Variants in LARP4B observed in about 807,000 individuals in gnomAD.
LARP4B encodes La ribonucleoprotein 4B, also known as la-related protein 4B.
LARP4B carries 12 observed loss-of-function variants against 89.8 expected under a neutral mutation model. That is an observed-to-expected ratio of 0.13 (90% confidence interval 0.09 to 0.22). The LOEUF is 0.22. LARP4B is among the 10% of genes least tolerant of loss of function. LARP4B has a pLI of 1.00. For synonymous variants in LARP4B, 367 were observed against 363.3 expected (o/e 1.01, Z -0.12); for missense variants, 757 against 947.7 (o/e 0.80, Z 2.64).
At chr10:860,528 T>C (rs1834545403) in intron 5 of LARP4B, among the ~76,000 whole-genome samples, 1 of 152,242 alleles carries the variant, frequency 6.6e-6, no homozygotes, top group Non-Finnish European at 1.5e-5. Context: ...TGACAAATGT[T>C]CACTTTTATG....
intron 5 of LARP4B, among the ~76,000 whole-genome samples, chr10:847,267 G>C (rs547017314): frequency 1.3e-5 from 2 of 152,078 alleles, no homozygotes; most frequent in Non-Finnish European, 2.9e-5. Flanking sequence ...AGAAACACCC[G>C]GCACTGCAGA....
intron 1 of LARP4B, among the ~76,000 whole-genome samples, chr10:926,989 G>A (rs375627355): frequency 5.9e-5 from 9 of 151,500 alleles, no homozygotes; most frequent in Non-Finnish European, 1.2e-4. Flanking sequence ...GCAGTGAGCC[G>A]TGATCGTGCC....
intron 1 of LARP4B, among the ~76,000 whole-genome samples, chr10:919,727 C>G (rs1438616728): frequency 2.0e-5 from 3 of 152,212 alleles, no homozygotes; most frequent in Non-Finnish European, 4.4e-5. Context: ...GGTATGAACA[C>G]AGGTGTTGAA....
intron 5 of LARP4B, among the ~76,000 whole-genome samples, chr10:849,308 A>G (rs755329916): frequency 9.2e-5 from 14 of 152,240 alleles, no homozygotes; most frequent in Non-Finnish European, 2.1e-4. Flanking sequence ...CTAAGGCTGA[A>G]GCAAGGAGAA....
At chr10:955,625 C>T in the LARP4B span, among the ~76,000 whole-genome samples, 6 of 152,138 alleles carry the variant, frequency 3.9e-5, no homozygotes, top group South Asian at 2.1e-4. The surrounding 1 kb of genome is among the most constrained non-coding windows in gnomAD (Gnocchi z 5.2). Flanking sequence ...TTGCCCAGGA[C>T]GGGGAGTTTA....
At chr10:955,555 C>T in the LARP4B span, among the ~76,000 whole-genome samples, 2 of 152,212 alleles carry the variant, frequency 1.3e-5, no homozygotes, top group Non-Finnish European at 2.9e-5. This position sits in a 1 kb window ranked among gnomAD's most constrained non-coding sequence, Gnocchi z 5.2. Context: ...AGACCTTCAA[C>T]TCGGGCCTTT....
In LARP4B at chr10:927,802, G is replaced by A. The variant is rs548918987; in HGVS notation, c.-40+3626C>T. 2.2e-4 allele frequency among the ~76,000 whole-genome samples: 33 copies of A among 152,242 alleles called. No individual in the cohort carries two copies. The East Asian group carries it at 4.0e-3, about 19-fold the overall frequency. ...AGGTTGTTTTGAGAATTTTGTAGAA[G>A]AAATTACAAGAATATACTCCAAGAT... On this transcript the variant is annotated intron_variant, in intron 1 of 17. Coordinates refer to ENST00000316157, the MANE Select transcript of LARP4B (RefSeq NM_015155.3).
chr10:856,669 C>A (rs150777452), intron 5 of LARP4B, among the ~76,000 whole-genome samples: 3 of 152,274 alleles, frequency 2.0e-5, no homozygotes, highest in Admixed American at 2.0e-4. Flanking sequence ...GGGGTTCCTG[C>A]ACTTTTGTGA....
At chr10:872,758 G>A (rs747017576) in intron 3 of LARP4B, among the ~76,000 whole-genome samples, 4 of 152,124 alleles carry the variant, frequency 2.6e-5, no homozygotes, top group Admixed American at 6.5e-5. Flanking sequence ...GTCGGCTGCC[G>A]TTACCCACAC....
chr10:841,720 C>T (rs1833530219), intron 7 of LARP4B, among the ~76,000 whole-genome samples: 1 of 152,238 alleles, frequency 6.6e-6, no homozygotes, highest in Non-Finnish European at 1.5e-5. Context: ...ACAACAGCTT[C>T]TGTTCTGCAT....
chr10:942,741 T>A, the LARP4B span: 2 of 152,062 alleles, frequency 1.3e-5, no homozygotes, highest in Non-Finnish European at 2.9e-5. Context: ...AAAATTCTGA[T>A]AATTTTGTGA....
chr10:942,941 ACTT>A, the LARP4B span, among the ~76,000 whole-genome samples: 7 of 144,970 alleles, frequency 4.8e-5, no homozygotes, highest in East Asian at 4.0e-4. Context: ...GTCCAAGCTG[ACTT>A]CTTTTTTTTT....
At chr10:911,799 G>C (rs1322802311) in intron 1 of LARP4B, among the ~76,000 whole-genome samples, 1 of 152,098 alleles carries the variant, frequency 6.6e-6, no homozygotes. Context: ...GGTTTTCGGG[G>C]GCTTTCGGGA....
chr10:818,464 A>G (rs976386192), intron 14 of LARP4B: 38 of 152,398 alleles, frequency 2.5e-4, no homozygotes, highest in African/African-American at 8.9e-4. Flanking sequence ...ATGAAAGTTT[A>G]TATTTTTAAA....
the LARP4B span, among the ~76,000 whole-genome samples, chr10:983,589 C>G: frequency 1.2e-3 from 185 of 152,206 alleles, 1 homozygote; most frequent in East Asian, 0.027. Flanking sequence ...AGCATGGGGT[C>G]GGGGAAGCCT....
At chr10:965,425 G>A in the LARP4B span, among the ~76,000 whole-genome samples, 1 of 151,988 alleles carries the variant, frequency 6.6e-6, no homozygotes, top group Non-Finnish European at 1.5e-5. Context: ...TCAAAGACAC[G>A]GTGCCCGCTC....
At chr10:970,994 A>C in the LARP4B span, among the ~76,000 whole-genome samples, 1 of 152,166 alleles carries the variant, frequency 6.6e-6, no homozygotes, top group Non-Finnish European at 1.5e-5. Flanking sequence ...TGTTTGCAAA[A>C]TCCAATTAAA....
chr10:950,479 T>C, the LARP4B span, among the ~76,000 whole-genome samples: 2 of 152,258 alleles, frequency 1.3e-5, no homozygotes, highest in Admixed American at 1.3e-4. Context: ...TTAGCTACTC[T>C]CATTCCTTTG....
the LARP4B span, among the ~76,000 whole-genome samples, chr10:982,916 T>G: frequency 6.6e-6 from 1 of 152,226 alleles, no homozygotes; most frequent in East Asian, 1.9e-4. Context: ...CTTAAGAGTT[T>G]GGAATTCCTA....
Sources: allele counts gnomAD v4.1 joint callset (sites outside exome capture counted in the v4.1 genomes callset), GRCh38; gene constraint gnomAD v4.1.1; non-coding constraint Gnocchi (gnomAD v3.1); transcripts MANE v1.5; gene names NCBI Gene and HGNC (gene_info 2026-07-23, HGNC 2026-07-21).